DDX42: variants seen among roughly 807,000 people sequenced by gnomAD.
DDX42 encodes the protein DEAD-box helicase 42.
In DDX42, 22 loss-of-function variants were observed where a neutral mutation model predicts 101.5. The observed-to-expected ratio is 0.22, with a 90% CI of 0.15 to 0.31. The LOEUF is 0.31. DDX42 is among the 10% of genes least tolerant of loss of function. The pLI is 1.00. For missense variants in DDX42, 849 were observed against 1,199.9 expected (o/e 0.71, Z 4.32); for synonymous variants, 402 against 401.2 (o/e 1.00, Z -0.02).
At chr17:63,784,591 G>A (rs1055257659) in intron 1 of DDX42, among the ~76,000 whole-genome samples, 7 of 151,906 alleles carry the variant, frequency 4.6e-5, no homozygotes, top group African/African-American at 1.7e-4. Context: ...GACCAGCCTA[G>A]GCAACATAGT....
intron 14 of DDX42, 81 bp downstream of exon 14, chr17:63,812,289 TG>T: frequency 7.3e-6 from 11 of 1,497,068 alleles, no homozygotes; most frequent in Non-Finnish European, 2.7e-6. Flanking sequence ...CTATAATATC[TG>T]AGCAGGCTGA....
intron 16 of DDX42, 27 bp downstream of exon 16, chr17:63,815,700 C>T: frequency 6.8e-7 from 1 of 1,461,496 alleles, no homozygotes; most frequent in South Asian, 1.2e-5. Flanking sequence ...ACAGTAGTGC[C>T]TTTATAGTTG....
chr17:63,812,757 G>A (rs973987467), intron 14 of DDX42, among the ~76,000 whole-genome samples: 8 of 152,168 alleles, frequency 5.3e-5, no homozygotes, highest in Non-Finnish European at 5.9e-5. Flanking sequence ...GGGCACGGTG[G>A]CTCACACCTG....
At chr17:63,793,874 AT>A (rs1567735149) in intron 3 of DDX42, among the ~76,000 whole-genome samples, 2,420 of 148,502 alleles carry the variant, frequency 0.016, 67 homozygotes, top group African/African-American at 0.055. Flanking sequence ...ATATATATAT[AT>A]ATATAATTTT....
In DDX42 at chr17:63,800,464, G is replaced by A; in HGVS notation, c.472-4G>A. On this transcript the variant is annotated splice_polypyrimidine_tract_variant and splice_region_variant and intron_variant, in intron 5 of 17. Transcript: ENST00000389924. ...TGTGATTATGTTCTTGTGCTTTCCT[G>A]CAGGAAGCTTATTTTCGATACATGG... 6.2e-7 allele frequency: 1 copy of A among 1,612,742 alleles called. No individual in the cohort carries two copies. The highest frequency in any genetic ancestry group is 8.5e-7 in the Non-Finnish European group (1 of 1,179,436).
At chr17:63,782,306 T>A (rs993261063) in intron 1 of DDX42, among the ~76,000 whole-genome samples, 1 of 152,144 alleles carries the variant, frequency 6.6e-6, no homozygotes, top group Non-Finnish European at 1.5e-5. Context: ...TTGTCTTACT[T>A]CTTTTCTCAC....
At chr17:63,794,459 A>G (rs1407487191) in intron 3 of DDX42, among the ~76,000 whole-genome samples, 1 of 151,576 alleles carries the variant, frequency 6.6e-6, no homozygotes, top group Non-Finnish European at 1.5e-5. Context: ...GTAGTGAGCC[A>G]TGATCATGCC....
At chr17:63,780,544 T>C in intron 1 of DDX42, among the ~76,000 whole-genome samples, 1 of 152,180 alleles carries the variant, frequency 6.6e-6, no homozygotes, top group East Asian at 1.9e-4. Context: ...CTGGACAAAT[T>C]GAGTCAAGTC....
chr17:63,811,828 G>A (rs2039913640), intron 13 of DDX42, 104 bp from the exon 14 acceptor site: 6 of 1,477,804 alleles, frequency 4.1e-6, no homozygotes, highest in Non-Finnish European at 4.6e-6. Flanking sequence ...AACTGGGATT[G>A]TTCAAGGTCT....
chr17:63,786,826 T>TG (rs2039552997), intron 1 of DDX42, among the ~76,000 whole-genome samples: 1 of 152,216 alleles, frequency 6.6e-6, no homozygotes, highest in Admixed American at 6.5e-5. Context: ...CACAGGCATG[T>TG]GCCACCACGC....
intron 14 of DDX42, among the ~76,000 whole-genome samples, chr17:63,812,994 C>T (rs2039930970): frequency 6.6e-6 from 1 of 152,158 alleles, no homozygotes; most frequent in African/African-American, 2.4e-5. Context: ...CACTGCACTC[C>T]CGTCTGGCAA....
chr17:63,781,835 C>T (rs1011589394), intron 1 of DDX42, among the ~76,000 whole-genome samples: 13 of 136,210 alleles, frequency 9.5e-5, no homozygotes, highest in Non-Finnish European at 1.8e-4. Flanking sequence ...ATGGTGAAAC[C>T]CCGTCTCTAC....
intron 9 of DDX42, 52 bp from the exon 10 acceptor site, chr17:63,808,768 C>G (rs897355492): frequency 1.2e-6 from 2 of 1,600,776 alleles, no homozygotes; most frequent in East Asian, 2.2e-5. Flanking sequence ...TGGGTTGTGA[C>G]AGGTATTTGT....
At chr17:63,810,608 A>G (rs887531821) in intron 12 of DDX42, 48 bp downstream of exon 12, 3 of 1,562,978 alleles carry the variant, frequency 1.9e-6, no homozygotes, top group Non-Finnish European at 1.8e-6. Flanking sequence ...TAAAAAGGGC[A>G]CTTATTTATT....
rs201998431 is a variant in DDX42, at chr17:63,789,575, T to G, written c.221+2305T>G. Among the ~76,000 whole-genome samples, 7 of 113,948 alleles carry G rather than the reference T, an allele frequency of 6.1e-5. No individual in the cohort carries two copies. The East Asian group carries it at 1.3e-3, about 21-fold the overall frequency. The allele number at this position is 113,948 out of a possible 152,430, so 74.8% of individuals were successfully genotyped here. A position where few individuals can be genotyped will look rare whatever the true frequency, so the allele number is the denominator to read the frequency against. ...TTTGTTTTTGTTTTTGTTTTTGTTT[T>G]TTTTTTTTTTTTTTTGAGACAGAGT... On this transcript the variant is annotated intron_variant, in intron 2 of 17. Transcript: ENST00000389924.
chr17:63,807,132 G>GTTTTGT (rs371074132), intron 8 of DDX42, among the ~76,000 whole-genome samples: 2 of 151,962 alleles, frequency 1.3e-5, no homozygotes, highest in Non-Finnish European at 2.9e-5. Flanking sequence ...CAATTTTTCT[G>GTTTTGT]TTTTGTTTTT....
chr17:63,780,492 G>A (rs1310111383), intron 1 of DDX42, among the ~76,000 whole-genome samples: 1 of 152,156 alleles, frequency 6.6e-6, no homozygotes, highest in Non-Finnish European at 1.5e-5. Context: ...TATTCATACA[G>A]CAAAATTTTT....
chr17:63,800,251 T>C (rs2039746046), intron 5 of DDX42: 1 of 469,032 alleles, frequency 2.1e-6, no homozygotes, highest in Non-Finnish European at 3.7e-6. Context: ...ATTAAACAAG[T>C]TGCAACATTT....
chr17:63,800,209 G>C, intron 5 of DDX42: 1 of 374,996 alleles, frequency 2.7e-6, no homozygotes, highest in Non-Finnish European at 4.8e-6. Context: ...ACTCCAGGAA[G>C]GCTGTGGAAC....
Sources: gnomAD v4.1 joint callset for allele counts (sites outside exome capture counted in the v4.1 genomes callset) on GRCh38, gnomAD v4.1.1 for gene constraint, MANE v1.5 for transcripts, NCBI Gene and HGNC (gene_info 2026-07-23, HGNC 2026-07-21) for gene names.